The following GUCY1A2 variants were observed in gnomAD, a reference collection of about 807,000 sequenced individuals.
The protein encoded by GUCY1A2 is guanylate cyclase 1 soluble subunit alpha 2.
In GUCY1A2, 27 loss-of-function variants were observed where a neutral mutation model predicts 63.5. The ratio of observed to expected loss-of-function variants is 0.43; its 90% CI spans 0.31 to 0.59. GUCY1A2 has a LOEUF of 0.59. Among genes scored for constraint, GUCY1A2 ranks in the 20% least tolerant of loss-of-function variants. GUCY1A2 has a pLI of 0.11. For missense variants in GUCY1A2, 768 were observed against 913.3 expected, an observed-to-expected ratio of 0.84 and a Z score of 2.05; for synonymous variants, 364 against 343.5, an observed-to-expected ratio of 1.06 and a Z score of -0.66.
intron 1 of GUCY1A2, among the ~76,000 whole-genome samples, chr11:106,990,626 G>C (rs531985820): frequency 1.3e-5 from 2 of 152,370 alleles, no homozygotes; most frequent in South Asian, 4.1e-4. Flanking sequence ...GTGAAACACA[G>C]TTGTCATCGC....
intron 6 of GUCY1A2, among the ~76,000 whole-genome samples, chr11:106,730,986 T>C (rs897867362): frequency 1.1e-4 from 16 of 152,256 alleles, no homozygotes; most frequent in African/African-American, 3.6e-4. Flanking sequence ...CTTGGAAATA[T>C]GTTTAAGTTC....
At chr11:106,720,224 G>T (rs1565268585) in intron 6 of GUCY1A2, among the ~76,000 whole-genome samples, 1 of 152,148 alleles carries the variant, frequency 6.6e-6, no homozygotes, top group South Asian at 2.1e-4. Context: ...AACAGTTTGG[G>T]TGGCAACCCA....
At chr11:106,977,006 C>T (rs183354010) in intron 3 of GUCY1A2, among the ~76,000 whole-genome samples, 1 of 152,298 alleles carries the variant, frequency 6.6e-6, no homozygotes, top group Non-Finnish European at 1.5e-5. Flanking sequence ...GTCCAACTGC[C>T]TTTAGCACCC....
At chr11:106,941,347 C>T (rs978791655) in intron 3 of GUCY1A2, among the ~76,000 whole-genome samples, 7 of 152,014 alleles carry the variant, frequency 4.6e-5, no homozygotes, top group Non-Finnish European at 8.8e-5. Flanking sequence ...TCACAAGATC[C>T]CCCCCTTGAG....
At chr11:106,728,248 C>T (rs1404474246) in intron 6 of GUCY1A2, among the ~76,000 whole-genome samples, 2 of 152,136 alleles carry the variant, frequency 1.3e-5, no homozygotes, top group African/African-American at 2.4e-5. Context: ...CTTCAACACT[C>T]GTGTCATACA....
chr11:106,717,699 C>T (rs1863239585), intron 6 of GUCY1A2, among the ~76,000 whole-genome samples: 1 of 152,136 alleles, frequency 6.6e-6, no homozygotes, highest in Non-Finnish European at 1.5e-5. Context: ...ACTGCTTTAA[C>T]AGAAAGGAGC....
At chr11:106,901,959 G>A (rs76429652) in intron 4 of GUCY1A2, among the ~76,000 whole-genome samples, 3,701 of 152,076 alleles carry the variant, frequency 0.024, 144 homozygotes, top group African/African-American at 0.083. Context: ...TATTTATTGC[G>A]GCTTTATTCC....
At chr11:106,943,844 C>T (rs1195178692) in intron 3 of GUCY1A2, among the ~76,000 whole-genome samples, 7 of 151,892 alleles carry the variant, frequency 4.6e-5, no homozygotes, top group South Asian at 2.1e-4. Context: ...GGAGTACCCA[C>T]GGAAGTAGAA....
At chr11:106,843,052 T>C (rs1313684305) in intron 4 of GUCY1A2, among the ~76,000 whole-genome samples, 1 of 151,948 alleles carries the variant, frequency 6.6e-6, no homozygotes, top group Non-Finnish European at 1.5e-5. Flanking sequence ...ATTTATTTAT[T>C]TTTAAAAGTG....
intron 4 of GUCY1A2, among the ~76,000 whole-genome samples, chr11:106,814,675 C>G (rs1858807568): frequency 6.6e-6 from 1 of 152,052 alleles, no homozygotes; most frequent in South Asian, 2.1e-4. Flanking sequence ...ACAGTGGGAG[C>G]CATGAGGCAT....
rs1437502208 is a variant in GUCY1A2, at chr11:106,786,789, G to A, written c.1693-10207C>T. The stretch of plus-strand genomic sequence containing the variant: ...TTGACTCCATGTTCCAATCAAAATG[G>A]GTAACTCAATGTTTTTTGCAAACTT... On this transcript the variant is annotated intron_variant, in intron 5 of 7. Coordinates refer to ENST00000526355, the MANE Select transcript of GUCY1A2 (RefSeq NM_000855.3). Among the ~76,000 whole-genome samples the A allele has an allele frequency of 1.3e-5, 2 of 151,906 alleles. 1 individual carries two copies. The highest frequency in any genetic ancestry group is 3.9e-4 in the East Asian group (2 of 5,194).
Position 106,863,410 on chromosome 11 carries a change from G to A in GUCY1A2, c.1207-52932C>T, listed in dbSNP as rs141314190. On this transcript the variant is annotated intron_variant, in intron 4 of 7. Coordinates refer to ENST00000526355, the MANE Select transcript of GUCY1A2 (RefSeq NM_000855.3). ...TTAAATAGGGAATCCTTTTCCCATT[G>A]TTTGTTTTTGTCAGGTTTGTCAAAG... Among the ~76,000 whole-genome samples, 1,235 of 152,048 alleles carry A rather than the reference G, an allele frequency of 8.1e-3. 14 individuals carry two copies. Among genetic ancestry groups the A allele is most frequent in the African/African-American group, 0.028 (1,179 of 41,502 alleles).
intron 1 of GUCY1A2, among the ~76,000 whole-genome samples, chr11:106,994,838 T>C (rs1226769159): frequency 6.6e-6 from 1 of 152,218 alleles, no homozygotes; most frequent in African/African-American, 2.4e-5. Flanking sequence ...TTGTCTTTAA[T>C]GGAATGAAAA....
chr11:106,978,024 G>A (rs908007956), intron 3 of GUCY1A2, among the ~76,000 whole-genome samples: 1 of 151,860 alleles, frequency 6.6e-6, no homozygotes, highest in African/African-American at 2.4e-5. Context: ...GGTAGCTTAC[G>A]GCTGTATAAT....
At chr11:106,912,030 G>A (rs1407890646) in intron 4 of GUCY1A2, among the ~76,000 whole-genome samples, 2 of 151,834 alleles carry the variant, frequency 1.3e-5, no homozygotes, top group Non-Finnish European at 1.5e-5. Flanking sequence ...CAAAACTGCA[G>A]GAAATCTGTA....
intron 4 of GUCY1A2, among the ~76,000 whole-genome samples, chr11:106,813,109 G>T (rs1203860831): frequency 2.0e-5 from 3 of 151,876 alleles, no homozygotes; most frequent in African/African-American, 7.3e-5. Flanking sequence ...GTATATAAAA[G>T]AATTGTGGAA....
chr11:106,780,367 T>C (rs755378898), intron 5 of GUCY1A2, among the ~76,000 whole-genome samples: 2 of 152,164 alleles, frequency 1.3e-5, no homozygotes, highest in Admixed American at 1.3e-4. Context: ...TAGATTATGA[T>C]ACAGTAACAA....
Position 106,725,233 on chromosome 11 carries a change from C to A in GUCY1A2, c.1837-16567G>T, listed in dbSNP as rs1386676984. On this transcript the variant is annotated intron_variant, in intron 6 of 7. Coordinates refer to ENST00000526355, the MANE Select transcript of GUCY1A2 (RefSeq NM_000855.3). ...TGTCGCCCAGGCTGGAGTGCAGTGG[C>A]GGGATCTCGGCTCACTGGAGGCTCC... Among the ~76,000 whole-genome samples the A allele has an allele frequency of 5.6e-5, 2 of 35,536 alleles. 1 individual carries two copies. The highest frequency in any genetic ancestry group is 7.9e-4 in the Admixed American group (2 of 2,516). 23.3% of individuals were successfully genotyped at this position (35,536 alleles called of 152,430 possible).
intron 4 of GUCY1A2, among the ~76,000 whole-genome samples, chr11:106,818,753 G>A (rs1237951863): frequency 2.6e-5 from 4 of 152,074 alleles, no homozygotes; most frequent in African/African-American, 7.2e-5. Flanking sequence ...ATGCTACTCC[G>A]GTGAACACAC....
Sources: gnomAD v4.1 joint callset for allele counts (sites outside exome capture counted in the v4.1 genomes callset) on GRCh38, gnomAD v4.1.1 for gene constraint, MANE v1.5 for transcripts, NCBI Gene and HGNC (gene_info 2026-07-23, HGNC 2026-07-21) for gene names.